The following GLCE variants were observed in gnomAD, a reference collection of about 807,000 sequenced individuals.
GLCE encodes D-glucuronyl C5-epimerase.
In GLCE, 19 loss-of-function variants were observed where a neutral mutation model predicts 47.9. The observed-to-expected ratio is 0.40, with a 90% CI of 0.28 to 0.58. The LOEUF (loss-of-function observed/expected upper bound fraction) is 0.58, where lower values mean the gene tolerates loss of function less well. Ranked by LOEUF, GLCE falls within the 20% of genes least tolerant of loss-of-function variation. The pLI, the probability that GLCE is intolerant of heterozygous loss-of-function variation, is 0.48. For synonymous variants in GLCE, 245 were observed against 263.4 expected, an observed-to-expected ratio of 0.93 and a Z score of 0.68; for missense variants, 556 against 743.3, an observed-to-expected ratio of 0.75 and a Z score of 2.93.
intron 1 of GLCE, among the ~76,000 whole-genome samples, chr15:69,206,717 C>T (rs977009285): frequency 6.6e-5 from 10 of 151,848 alleles, no homozygotes; most frequent in African/African-American, 2.2e-4. Flanking sequence ...TATATTTTCT[C>T]TGCCCTACCC....
At chr15:69,206,823 A>C (rs1351643274) in intron 1 of GLCE, among the ~76,000 whole-genome samples, 1 of 152,000 alleles carries the variant, frequency 6.6e-6, no homozygotes, top group Non-Finnish European at 1.5e-5. Flanking sequence ...ATACTTGTTG[A>C]TGCAGGGGTA....
chr15:69,225,375 CCACAGAGTTCAG>C (rs2052432615), intron 2 of GLCE, among the ~76,000 whole-genome samples: 1 of 152,038 alleles, frequency 6.6e-6, no homozygotes, highest in African/African-American at 2.4e-5. Context: ...ATATTCTGTA[CCACAGAGTTCAG>C]CATTCAATTA....
At chr15:69,200,053 A>G (rs2140362209) in intron 1 of GLCE, among the ~76,000 whole-genome samples, 1 of 152,146 alleles carries the variant, frequency 6.6e-6, no homozygotes, top group East Asian at 1.9e-4. Context: ...CTTCCTTAAT[A>G]AAACTGTCCT....
At chr15:69,189,450 G>GA in intron 1 of GLCE, among the ~76,000 whole-genome samples, 1 of 152,294 alleles carries the variant, frequency 6.6e-6, no homozygotes, top group Middle Eastern at 3.4e-3. Flanking sequence ...ACCTACTGAA[G>GA]GACATATTGG....
Position 69,269,779 on chromosome 15 carries a change from T to C in GLCE, c.*535T>C, listed in dbSNP as rs1318656370. The C allele has an allele frequency of 6.5e-6, 1 of 152,860 alleles. No homozygotes were observed. Among genetic ancestry groups the C allele is most frequent in the Non-Finnish European group, 1.5e-5 (1 of 68,190 alleles). The allele number at this position is 152,860 out of a possible 1,614,324, so 9.5% of individuals were successfully genotyped here. ...TAATTTCTTGGGAGCAAATGAGTAT[T>C]TGTTGCATTTGTTCAATTTGTTGTA... is the stretch of plus-strand genomic sequence containing the variant. On this transcript the variant is annotated 3_prime_UTR_variant, in exon 5 of 5. Transcript: ENST00000261858.
intron 1 of GLCE, among the ~76,000 whole-genome samples, chr15:69,208,492 T>C (rs1217783693): frequency 2.0e-5 from 3 of 152,082 alleles, no homozygotes; most frequent in Non-Finnish European, 4.4e-5. Context: ...TTCCATTGAT[T>C]GATCTCTCCC....
rs556343931 is a variant in GLCE at position 69,172,889 on chromosome 15, T to C, written c.-105+12132T>C. On this transcript the variant is annotated intron_variant, in intron 1 of 4. Coordinates refer to ENST00000261858, the MANE Select transcript of GLCE (RefSeq NM_015554.3). ...ACAGACTGTATTTAGAAAATATTTG[T>C]TACGAAATATGTTATAAGATTTTAT... Among the ~76,000 whole-genome samples, 5 of 152,356 alleles carry C rather than the reference T, an allele frequency of 3.3e-5. No individual in the cohort carries two copies. In the East Asian group the frequency reaches 9.6e-4, roughly 29 times the overall value.
intron 2 of GLCE, among the ~76,000 whole-genome samples, chr15:69,233,706 T>G (rs897731299): frequency 6.6e-6 from 1 of 152,170 alleles, no homozygotes; most frequent in African/African-American, 2.4e-5. Flanking sequence ...TTAGACTGTT[T>G]AGGGACCATA....
At chr15:69,185,623 GA>G (rs1473427675) in intron 1 of GLCE, among the ~76,000 whole-genome samples, 9 of 151,850 alleles carry the variant, frequency 5.9e-5, no homozygotes, top group Non-Finnish European at 1.2e-4. Flanking sequence ...TTAGTGTAGC[GA>G]AAACTCTCAA....
rs1264790907 is a variant in GLCE, at chr15:69,271,250, G to A, written c.*2006G>A. 1 of 152,674 alleles carries A rather than the reference G, an allele frequency of 6.5e-6. No individual in the cohort carries two copies. Among genetic ancestry groups the A allele is most frequent in the Non-Finnish European group, 1.5e-5 (1 of 68,052 alleles). The allele number at this position is 152,674 out of a possible 1,614,324, so 9.5% of individuals were successfully genotyped here. ...ACTGCCTTCCACATTGCAACAGCAA[G>A]TTGATTTCTTGTGATCCCAGAATTT... is the stretch of plus-strand genomic sequence containing the variant. On this transcript the variant is annotated 3_prime_UTR_variant, in exon 5 of 5. Coordinates refer to ENST00000261858, the MANE Select transcript of GLCE (RefSeq NM_015554.3).
intron 4 of GLCE, among the ~76,000 whole-genome samples, chr15:69,267,577 A>G (rs578116005): frequency 6.6e-6 from 1 of 152,334 alleles, no homozygotes; most frequent in East Asian, 1.9e-4. Flanking sequence ...AATCAAATTA[A>G]TAATGTGTTG....
At chr15:69,226,830 C>T (rs921552877) in intron 2 of GLCE, among the ~76,000 whole-genome samples, 4 of 148,112 alleles carry the variant, frequency 2.7e-5, no homozygotes, top group Admixed American at 6.9e-5. Context: ...CTGCAACCTC[C>T]GCCTCCCAGG....
chr15:69,260,250 TG>T (rs1189485326), intron 3 of GLCE, among the ~76,000 whole-genome samples: 2,105 of 136,018 alleles, frequency 0.015, 92 homozygotes, highest in Middle Eastern at 0.032. Context: ...AAGTCACAAC[TG>T]GTTTTTTTTT....
chr15:69,259,688 A>G (rs1369933226), intron 3 of GLCE, among the ~76,000 whole-genome samples: 36 of 152,178 alleles, frequency 2.4e-4, no homozygotes, highest in Admixed American at 2.2e-3. Context: ...GATCAGTCCC[A>G]GTTCTTGTGC....
chr15:69,216,017 A>G (rs2052302180), intron 2 of GLCE, among the ~76,000 whole-genome samples: 1 of 152,134 alleles, frequency 6.6e-6, no homozygotes, highest in Admixed American at 6.6e-5. Flanking sequence ...TAAAATACAC[A>G]TTTTCATATA....
chr15:69,191,975 G>C (rs568714777), intron 1 of GLCE, among the ~76,000 whole-genome samples: 1 of 152,168 alleles, frequency 6.6e-6, no homozygotes, highest in South Asian at 2.1e-4. Flanking sequence ...TGAATGTAAT[G>C]TACCTTTTTA....
rs2053152487 is a variant in GLCE at position 69,270,568 on chromosome 15, A to T, written c.*1324A>T. ...ATATCTTATACAGTTTGAAAATATG[A>T]TACCCTACACTTTCAGGGGACCGAG... On this transcript the variant is annotated 3_prime_UTR_variant, in exon 5 of 5. Transcript: ENST00000261858. 1.3e-5 allele frequency: 2 copies of T among 152,180 alleles called. No homozygotes were observed. The highest frequency in any genetic ancestry group is 4.8e-5 in the African/African-American group (2 of 41,430). The allele number at this position is 152,180 out of a possible 1,614,324, so 9.4% of individuals were successfully genotyped here.
At chr15:69,176,990 A>G (rs1009238605) in intron 1 of GLCE, among the ~76,000 whole-genome samples, 2 of 151,350 alleles carry the variant, frequency 1.3e-5, no homozygotes, top group African/African-American at 2.4e-5. Flanking sequence ...GAAGTGGATA[A>G]TGTTTCAAAC....
chr15:69,229,631 G>GT (rs1298197468), intron 2 of GLCE, among the ~76,000 whole-genome samples: 3 of 150,408 alleles, frequency 2.0e-5, no homozygotes, highest in East Asian at 1.9e-4. Context: ...AGGTTTTTTT[G>GT]TTTTTTTAAA....
Sources: allele counts gnomAD v4.1 joint callset (sites outside exome capture counted in the v4.1 genomes callset), GRCh38; gene constraint gnomAD v4.1.1; transcripts MANE v1.5; gene names NCBI Gene and HGNC (gene_info 2026-07-23, HGNC 2026-07-21).